Variants in MBOAT1 observed in about 807,000 individuals in gnomAD.
The protein encoded by MBOAT1 is membrane bound glycerophospholipid O-acyltransferase 1.
A neutral mutation model predicts 64.4 loss-of-function variants in MBOAT1; 67 were observed. The observed-to-expected ratio is 1.04, with a 90% CI of 0.85 to 1.27. The LOEUF (loss-of-function observed/expected upper bound fraction) is 1.27, where lower values mean the gene tolerates loss of function less well. Among genes scored for constraint, MBOAT1 ranks in the 50% most tolerant of loss-of-function variants. MBOAT1 has a pLI of 0.00. For missense variants in MBOAT1, 563 were observed against 604.6 expected, an observed-to-expected ratio of 0.93 and a Z score of 0.72; for synonymous variants, 229 against 218.9, an observed-to-expected ratio of 1.05 and a Z score of -0.41.
intron 1 of MBOAT1, among the ~76,000 whole-genome samples, chr6:20,193,755 C>T (rs980050144): frequency 1.3e-5 from 2 of 151,664 alleles, no homozygotes; most frequent in African/African-American, 2.4e-5. Flanking sequence ...TATAGGCACC[C>T]GCCACCACAC....
intron 1 of MBOAT1, among the ~76,000 whole-genome samples, chr6:20,189,988 T>A (rs1561782555): frequency 6.6e-6 from 1 of 152,132 alleles, no homozygotes; most frequent in African/African-American, 2.4e-5. Flanking sequence ...GTTTTTTTTT[T>A]TTAATTTTTT....
chr6:20,127,612 T>C (rs1417460427), intron 6 of MBOAT1, among the ~76,000 whole-genome samples: 1 of 152,150 alleles, frequency 6.6e-6, no homozygotes, highest in Non-Finnish European at 1.5e-5. Context: ...GCCAGGGATG[T>C]AGGCTGCACA....
chr6:20,151,211 G>A lies in MBOAT1; in HGVS notation c.297C>T (p.Val99=). The change falls in exon 3 of 13, where the codon GTC becomes GTT. Residue 99 remains valine, a synonymous_variant. Coordinates refer to ENST00000324607, the MANE Select transcript of MBOAT1 (RefSeq NM_001080480.3). ...TGTGAATATTGGATACACTAGCAGT[G>A]ACCATGATTGCATAGCACATTAACA... is the stretch of plus-strand genomic sequence containing the variant. ...VLVLMCYAIM[V]TASVSNIHRY... 6 of 1,613,214 alleles carry A rather than the reference G, an allele frequency of 3.7e-6. No individual in the cohort carries two copies. Among genetic ancestry groups the A allele is most frequent in the Non-Finnish European group, 5.1e-6 (6 of 1,179,424 alleles).
intron 2 of MBOAT1, 39 bp from the exon 3 acceptor site, chr6:20,151,301 A>G (rs373840205): frequency 1.4e-6 from 2 of 1,441,856 alleles, no homozygotes; most frequent in Non-Finnish European, 1.9e-6. Flanking sequence ...TAATGAATAT[A>G]TTTCATATTA....
intron 1 of MBOAT1, among the ~76,000 whole-genome samples, chr6:20,156,286 A>T (rs1242433157): frequency 1.3e-5 from 2 of 151,926 alleles, no homozygotes; most frequent in Non-Finnish European, 2.9e-5. Flanking sequence ...AAAAAAAAAA[A>T]AATTAATGTG....
At chr6:20,167,402 C>T (rs1427960890) in intron 1 of MBOAT1, among the ~76,000 whole-genome samples, 2 of 152,194 alleles carry the variant, frequency 1.3e-5, no homozygotes, top group African/African-American at 2.4e-5. Flanking sequence ...TCTCCTCACC[C>T]TTGCCAGCAT....
At chr6:20,159,643 AG>A (rs1215880629) in intron 1 of MBOAT1, among the ~76,000 whole-genome samples, 1 of 152,148 alleles carries the variant, frequency 6.6e-6, no homozygotes, top group African/African-American at 2.4e-5. Context: ...AGAGGAAGAA[AG>A]GGGAGACATT....
At chr6:20,196,615 A>G (rs1037217912) in intron 1 of MBOAT1, among the ~76,000 whole-genome samples, 23 of 152,120 alleles carry the variant, frequency 1.5e-4, no homozygotes, top group African/African-American at 5.6e-4. Flanking sequence ...AATCCCAGCA[A>G]TTTGGGAGGC....
At chr6:20,167,056 TC>T (rs1373273692) in intron 1 of MBOAT1, among the ~76,000 whole-genome samples, 2 of 152,118 alleles carry the variant, frequency 1.3e-5, no homozygotes, top group Non-Finnish European at 2.9e-5. Flanking sequence ...TGATTTGATC[TC>T]CCCCGTCTGT....
At chr6:20,144,510 A>C (rs1020460151) in intron 3 of MBOAT1, among the ~76,000 whole-genome samples, 195 bp from the exon 4 acceptor site, 1 of 152,112 alleles carries the variant, frequency 6.6e-6, no homozygotes, top group South Asian at 2.1e-4. Flanking sequence ...GGACCACTAC[A>C]TTGGCTGTCA....
intron 12 of MBOAT1, 99 bp downstream of exon 12, chr6:20,109,499 G>T: frequency 7.2e-7 from 1 of 1,398,552 alleles, no homozygotes; most frequent in Non-Finnish European, 9.8e-7. Context: ...CCAGTTAGAA[G>T]TGTTTAGGAC....
At chr6:20,190,923 A>T (rs552425464) in intron 1 of MBOAT1, among the ~76,000 whole-genome samples, 1 of 152,334 alleles carries the variant, frequency 6.6e-6, no homozygotes, top group African/African-American at 2.4e-5. Context: ...AAATCTCATT[A>T]ATAAGGAACT....
Position 20,157,204 on chromosome 6 carries a change from A to G in MBOAT1, c.100-4435T>C, listed in dbSNP as rs1389027053. 2.8e-4 allele frequency among the ~76,000 whole-genome samples: 42 copies of G among 152,292 alleles called. 1 individual carries two copies. The highest frequency in any genetic ancestry group is 2.9e-5 in the Non-Finnish European group (2 of 68,030). On this transcript the variant is annotated intron_variant, in intron 1 of 12. Transcript: ENST00000324607. ...TTACTCAGGAGGCTGAGGCAGGAGG[A>G]TTGCTTAAGCCTACAGTTCAAGGTT... is the stretch of plus-strand genomic sequence containing the variant.
At chr6:20,129,824 T>C (rs751426610) in intron 5 of MBOAT1, among the ~76,000 whole-genome samples, 9 of 152,188 alleles carry the variant, frequency 5.9e-5, no homozygotes, top group South Asian at 2.1e-4. Flanking sequence ...CAGCTACAAA[T>C]AGAGTAACTA....
chr6:20,135,795 G>T (rs1157194782), intron 4 of MBOAT1, among the ~76,000 whole-genome samples: 1 of 152,114 alleles, frequency 6.6e-6, no homozygotes, highest in African/African-American at 2.4e-5. Context: ...GTGGTACTTG[G>T]ACAGTAGAAA....
intron 1 of MBOAT1, among the ~76,000 whole-genome samples, chr6:20,155,932 G>A (rs1254012062): frequency 2.6e-5 from 4 of 152,150 alleles, no homozygotes; most frequent in Non-Finnish European, 1.5e-5. Context: ...TTGCAGTCTG[G>A]TGTTGCCTGA....
In MBOAT1 at chr6:20,154,302, C is replaced by T. The variant is rs139248701; in HGVS notation, c.100-1533G>A. Among the ~76,000 whole-genome samples, 109 of 152,234 alleles carry T rather than the reference C, an allele frequency of 7.2e-4. 1 individual carries two copies. The highest frequency in any genetic ancestry group is 1.4e-3 in the African/African-American group (60 of 41,536). ...ATCCCAGCACTTTGGGAAGCCGAGG[C>T]GGGCAGGTCACCTGAGGTCAGGAGT... On this transcript the variant is annotated intron_variant, in intron 1 of 12. Coordinates refer to ENST00000324607, the MANE Select transcript of MBOAT1 (RefSeq NM_001080480.3).
chr6:20,190,986 T>A (rs1341775091), intron 1 of MBOAT1, among the ~76,000 whole-genome samples: 8 of 152,224 alleles, frequency 5.3e-5, no homozygotes, highest in Non-Finnish European at 1.5e-5. Context: ...TCCATTAGGC[T>A]TAATTCTGCT....
intron 4 of MBOAT1, among the ~76,000 whole-genome samples, chr6:20,142,735 C>T (rs1581419247): frequency 6.6e-6 from 1 of 152,320 alleles, no homozygotes. Context: ...TAGGCATGAG[C>T]CACTACGCCC....
Sources: gnomAD v4.1 joint callset for allele counts (sites outside exome capture counted in the v4.1 genomes callset) on GRCh38, gnomAD v4.1.1 for gene constraint, MANE v1.5 for transcripts, NCBI Gene and HGNC (gene_info 2026-07-23, HGNC 2026-07-21) for gene names.